Variants in CD109 observed in about 807,000 individuals in gnomAD.
The protein encoded by CD109 is CD109 molecule, also known as CD109 antigen.
A neutral mutation model predicts 165.8 loss-of-function variants in CD109; 149 were observed. That is an observed-to-expected ratio of 0.90 (90% CI 0.79 to 1.03). The LOEUF is 1.03. CD109 is among the 50% of genes least tolerant of loss of function. CD109 has a pLI of 0.00. For synonymous variants in CD109, 585 were observed against 592.1 expected (o/e 0.99, Z 0.18); for missense variants, 1,712 against 1,677.8 (o/e 1.02, Z -0.36).
intron 5 of CD109, among the ~76,000 whole-genome samples, chr6:73,737,432 C>A (rs761663119): frequency 1.3e-4 from 19 of 150,222 alleles, no homozygotes; most frequent in Non-Finnish European, 2.1e-4. Context: ...ATGTGTTTAC[C>A]AATATTATTC....
upstream of CD109, among the ~76,000 whole-genome samples, chr6:73,691,100 C>T (rs1222258840): frequency 6.6e-6 from 1 of 152,160 alleles, no homozygotes; most frequent in Non-Finnish European, 1.5e-5. Context: ...CTCTTCTCCC[C>T]GGCCACCAGA....
chr6:73,704,655 T>C (rs1562020098), intron 2 of CD109, among the ~76,000 whole-genome samples: 1 of 152,220 alleles, frequency 6.6e-6, no homozygotes, highest in South Asian at 2.1e-4. Context: ...CTTTATGTCC[T>C]GTGAAGAGGG....
At chr6:73,725,452 T>C (rs549985193) in intron 3 of CD109, among the ~76,000 whole-genome samples, 20 of 151,106 alleles carry the variant, frequency 1.3e-4, no homozygotes, top group Non-Finnish European at 2.7e-4. Flanking sequence ...GATACTAGTA[T>C]AAACTGTACG....
At chr6:73,705,486 A>C (rs982252195) in intron 2 of CD109, among the ~76,000 whole-genome samples, 3 of 152,088 alleles carry the variant, frequency 2.0e-5, no homozygotes, top group African/African-American at 7.2e-5. Context: ...CTAAAAATAA[A>C]AAAAAGGTAG....
At chr6:73,768,296 A>G (rs1773922750) in intron 14 of CD109, 65 bp downstream of exon 14, 1 of 997,892 alleles carries the variant, frequency 1.0e-6, no homozygotes, top group Non-Finnish European at 1.5e-6. Context: ...GAAATGTAAT[A>G]TTTCTTTAGA....
At chr6:73,814,121 T>C (rs894961102) in intron 29 of CD109, among the ~76,000 whole-genome samples, 5 of 152,108 alleles carry the variant, frequency 3.3e-5, no homozygotes, top group African/African-American at 1.2e-4. Flanking sequence ...TTTTTAAGTA[T>C]GCAAATCCAT....
Position 73,817,787 on chromosome 6 carries a change from T to C in CD109, c.3912-601T>C, listed in dbSNP as rs979987137. Among the ~76,000 whole-genome samples, 17 of 152,098 alleles carry C rather than the reference T, an allele frequency of 1.1e-4. 1 individual carries two copies. Among genetic ancestry groups the C allele is most frequent in the African/African-American group, 3.6e-4 (15 of 41,418 alleles). On this transcript the variant is annotated intron_variant, in intron 30 of 32. Transcript: ENST00000287097. ...ACAACAGGGCGAGAGAAGGATGCAGTGTAATAAAACTTTCCAAGGCTTGTA... is the reference window on the plus strand; with the variant it reads ...ACAACAGGGCGAGAGAAGGATGCAGCGTAATAAAACTTTCCAAGGCTTGTA...
Position 73,730,504 on chromosome 6 carries a change from T to C in CD109, c.437T>C (p.Val146Ala). Residue 146 changes from valine to alanine, a missense_variant, in exon 4 of 33, where the codon GTG becomes GCG. Transcript: ENST00000287097. The stretch of plus-strand genomic sequence containing the variant: ...GCCTTATACAAGCCAAAGCAAGAAG[T>C]GAAGTTTCGCATTGTTACACTCTTC... Reference protein sequence around the residue: ...DKALYKPKQEVKFRIVTLFSD... With the variant: ...DKALYKPKQEAKFRIVTLFSD... The C allele has an allele frequency of 6.2e-7, 1 of 1,614,150 alleles. No individual in the cohort carries two copies. Among genetic ancestry groups the C allele is most frequent in the Non-Finnish European group, 8.5e-7 (1 of 1,179,992 alleles).
Position 73,723,267 on chromosome 6 carries a change from T to C in CD109, c.264T>C (p.Leu88=), listed in dbSNP as rs1562030557. The C allele has an allele frequency of 6.2e-7, 1 of 1,612,534 alleles. No individual in the cohort carries two copies. Among genetic ancestry groups the C allele is most frequent in the South Asian group, 1.1e-5 (1 of 90,872 alleles). The change falls in exon 3 of 33, where the codon CTT becomes CTC. Residue 88 remains leucine (L), a synonymous_variant. Coordinates refer to ENST00000287097, the MANE Select transcript of CD109 (RefSeq NM_133493.5). ...GVFEKGSFKT[L]TLPSLPLNSA... ...TCCTTGTAGGCTCTTTTAAGACACT[T>C]ACTCTTCCATCAGTAAGTATCCATT...
chr6:73,771,074 T>C (rs1347133720), intron 14 of CD109, among the ~76,000 whole-genome samples: 3 of 152,192 alleles, frequency 2.0e-5, no homozygotes, highest in Non-Finnish European at 4.4e-5. Flanking sequence ...TTCTTTCCTC[T>C]TTCGTGTTTC....
At chr6:73,688,761 G>GTTTTTTTT in the CD109 span, among the ~76,000 whole-genome samples, 28 of 73,530 alleles carry the variant, frequency 3.8e-4, 1 homozygote, top group East Asian at 8.6e-4. Context: ...GTTTTTCTTT[G>GTTTTTTTT]TTTTTTTTTT....
the CD109 span, among the ~76,000 whole-genome samples, chr6:73,682,110 C>T: frequency 6.6e-6 from 1 of 152,088 alleles, no homozygotes; most frequent in Non-Finnish European, 1.5e-5. Context: ...ATTTCAAAAC[C>T]AGTCATGCCT....
the CD109 span, among the ~76,000 whole-genome samples, chr6:73,688,766 T>TTG: frequency 8.8e-6 from 1 of 114,178 alleles, no homozygotes; most frequent in African/African-American, 4.5e-5. Flanking sequence ...TCTTTGTTTT[T>TTG]TTTTTTTTTT....
intron 2 of CD109, among the ~76,000 whole-genome samples, chr6:73,719,561 C>T (rs1016750225): frequency 3.9e-5 from 6 of 151,952 alleles, no homozygotes; most frequent in Non-Finnish European, 5.9e-5. Flanking sequence ...AGGTTGTAAC[C>T]CATTATTTAT....
At position 73,820,540 on chromosome 6, in the gene CD109, CCA is replaced by C; in HGVS notation, c.4140_4141del (p.Ile1381SerfsTer5). 6.2e-7 allele frequency: 1 copy of C among 1,604,650 alleles called. No individual in the cohort carries two copies. Among genetic ancestry groups the C allele is most frequent in the Non-Finnish European group, 8.5e-7 (1 of 1,172,240 alleles). ...TCAAATACCCAAGATGCTTCAGTGTCCATAGTGGATTACTATGAGCCAAGTAA... is the reference window on the plus strand; with the variant it reads ...TCAAATACCCAAGATGCTTCAGTGTCTAGTGGATTACTATGAGCCAAGTAA... On this transcript the variant is annotated frameshift_variant, in exon 32 of 33. Coordinates refer to ENST00000287097, the MANE Select transcript of CD109 (RefSeq NM_133493.5). LOFTEE classifies it low-confidence loss of function (END_TRUNC).
Position 73,781,123 on chromosome 6 carries a change from T to C in CD109, c.1903-136T>C, listed in dbSNP as rs545981261. The C allele has an allele frequency of 3.2e-5, 20 of 628,646 alleles. No homozygotes were observed. In the African/African-American group the frequency reaches 3.5e-4, roughly 11 times the overall value. 38.9% of individuals were successfully genotyped at this position (628,646 alleles called of 1,614,324 possible). A position where few individuals can be genotyped will look rare whatever the true frequency, so the allele number is the denominator to read the frequency against. Reference sequence around the variant, plus strand: ...TGTGTTTGAGTGAGAGACAGAAAGGTTGAATGTATGTGCATGTGTATACCT... The same window carrying C: ...TGTGTTTGAGTGAGAGACAGAAAGGCTGAATGTATGTGCATGTGTATACCT... On this transcript the variant is annotated intron_variant, in intron 16 of 32. Transcript: ENST00000287097.
intron 23 of CD109, among the ~76,000 whole-genome samples, chr6:73,802,307 T>TATA (rs1775393783): frequency 1.7e-4 from 9 of 52,496 alleles, no homozygotes; most frequent in African/African-American, 6.9e-4. Flanking sequence ...ATATATATAT[T>TATA]TTTTTTTTTT....
rs753721276 is a variant in CD109 at position 73,818,481 on chromosome 6, G to C, written c.4005G>C (p.Glu1335Asp). 5 of 1,613,534 alleles carry C rather than the reference G, an allele frequency of 3.1e-6. No individual in the cohort carries two copies. In the East Asian group the frequency reaches 1.1e-4, roughly 36 times the overall value. Residue 1335 changes from glutamate (E) to aspartate (D), a missense_variant, in exon 31 of 33, where the codon GAG (glutamate) becomes GAC (aspartate). By Grantham distance (45) the Glu-to-Asp change is conservative (BLOSUM62 2). Transcript: ENST00000287097. ...CTTCAGAAGCAATTTCTCTGAGCGA[G>C]ACAGTGAAGAAAGTGGAATATGATC... is the stretch of plus-strand genomic sequence containing the variant. Reference protein sequence around the residue: ...MVPSEAISLSETVKKVEYDHG... With the variant: ...MVPSEAISLSDTVKKVEYDHG...
chr6:73,787,218 T>C lies in CD109; in HGVS notation c.2338-16T>C. On this transcript the variant is annotated splice_polypyrimidine_tract_variant and intron_variant, in intron 20 of 32. Transcript: ENST00000287097. ...CATCTATTATACAAAAGCTTTGATT[T>C]ATTTTTTTCTTTCAGGTTAAGGTAA... The C allele has an allele frequency of 6.5e-7, 1 of 1,541,436 alleles. No homozygotes were observed. Among genetic ancestry groups the C allele is most frequent in the South Asian group, 1.1e-5 (1 of 88,718 alleles).
Sources: allele counts gnomAD v4.1 joint callset (sites outside exome capture counted in the v4.1 genomes callset), GRCh38; gene constraint gnomAD v4.1.1; transcripts MANE v1.5; gene names NCBI Gene and HGNC (gene_info 2026-07-23, HGNC 2026-07-21).